MYH7: variants seen among roughly 807,000 people sequenced by gnomAD.
The protein encoded by MYH7 is myosin-7.
MYH7 carries 129 observed loss-of-function variants against 225.4 expected under a neutral mutation model. The ratio of observed to expected loss-of-function variants is 0.57; its 90% CI spans 0.50 to 0.66. The LOEUF is 0.66. Among genes scored for constraint, MYH7 ranks in the 30% least tolerant of loss-of-function variants. MYH7 has a pLI of 0.00. For missense variants in MYH7, 1,649 were observed against 2,517.0 expected (o/e 0.66, Z 7.38); for synonymous variants, 971 against 1,007.6 (o/e 0.96, Z 0.69).
chr14:23,426,687 T>C (rs758983528), intron 18 of MYH7, 90 bp downstream of exon 18: 4 of 1,222,550 alleles, frequency 3.3e-6, no homozygotes, highest in Admixed American at 3.5e-5. Flanking sequence ...TGGAAACCAC[T>C]GTGGTGGTAG....
rs777116428 is a variant in MYH7 at position 23,415,972 on chromosome 14, C to T, written c.4953+32G>A. The stretch of plus-strand genomic sequence containing the variant: ...TCAAGACACTACTGCTTCGCCAGGC[C>T]ACGTGGAGGCCAGTCCCCTCTGGGT... On this transcript the variant is annotated intron_variant, in intron 34 of 39. Transcript: ENST00000355349. This position sits in a 1 kb window ranked among gnomAD's most constrained non-coding sequence, Gnocchi z 6.3. 17 of 1,614,098 alleles carry T rather than the reference C, an allele frequency of 1.1e-5. No homozygotes were observed. The Admixed American group carries it at 1.5e-4, about 14-fold the overall frequency.
chr14:23,415,762 T>C lies in MYH7; in HGVS notation c.5024A>G (p.Glu1675Gly). The C allele has an allele frequency of 1.2e-6, 2 of 1,614,184 alleles. No individual in the cohort carries two copies. The highest frequency in any genetic ancestry group is 1.7e-6 in the Non-Finnish European group (2 of 1,180,036). Reference protein sequence around the residue: ...DDLKENIAIVERRNNLLQAEL... With the variant: ...DDLKENIAIVGRRNNLLQAEL... ...AGCCTGCAGCAGGTTGTTGCGCCGC[T>C]CCACGATGGCGATGTTCTCCTTCAG... The change falls in exon 35 of 40, where the codon GAG (glutamate) becomes GGG (glycine). Residue 1675 changes from glutamate (E) to glycine (G), a missense_variant. This residue lies in a region of MYH7 where 687 missense variants were observed against 913.8 expected (regional missense o/e 0.75). Transcript: ENST00000355349. The surrounding 1 kb of genome is among the most constrained non-coding windows in gnomAD (Gnocchi z 6.3).
At chr14:23,430,058 A>C in intron 11 of MYH7, 145 bp from the exon 12 acceptor site, 1 of 967,596 alleles carries the variant, frequency 1.0e-6, no homozygotes, top group South Asian at 1.4e-5. Flanking sequence ...TCCAAAACAA[A>C]GGATGTAAGA....
At chr14:23,435,499 C>T (rs1235482391) in intron 1 of MYH7, 121 bp downstream of exon 1, 3 of 152,260 alleles carry the variant, frequency 2.0e-5, no homozygotes, top group African/African-American at 7.2e-5. Flanking sequence ...CATGTGTGCC[C>T]AGTGACTGGA....
Position 23,419,177 on chromosome 14 carries a change from C to T in MYH7, c.3972G>A (p.Lys1324=), listed in dbSNP as rs749775509. The change falls in exon 29 of 40, where the codon AAG becomes AAA. Residue 1324 remains lysine (K), a splice_region_variant and synonymous_variant. Coordinates refer to ENST00000355349, the MANE Select transcript of MYH7 (RefSeq NM_000257.4). ...DLKRQLEEEV[K]AKNALAHALQ... ...CAGGTGGCCCGAGTCTAGCCCTTAC[C>T]TTAACCTCCTCCTCCAGCTGCCTCT... is the stretch of plus-strand genomic sequence containing the variant. 3 of 1,614,100 alleles carry T rather than the reference C, an allele frequency of 1.9e-6. No individual in the cohort carries two copies. The highest frequency in any genetic ancestry group is 2.5e-6 in the Non-Finnish European group (3 of 1,180,036).
intron 10 of MYH7, 59 bp downstream of exon 10, chr14:23,430,842 A>G: frequency 7.1e-7 from 1 of 1,411,248 alleles, no homozygotes; most frequent in South Asian, 1.1e-5. Flanking sequence ...TCCAGCCACA[A>G]GCAGAGGGGA....
rs1157911260 is a variant in MYH7 at position 23,425,480 on chromosome 14, G to T, written c.2287-62C>A. 6.8e-6 allele frequency: 11 copies of T among 1,612,158 alleles called. No homozygotes were observed. The highest frequency in any genetic ancestry group is 5.3e-5 in the African/African-American group (4 of 74,868). ...GGGTACGAGGGAAAGAGATGGTGGG[G>T]ATTACCTTAGGAAGGGTAACAGCCT... On this transcript the variant is annotated intron_variant, in intron 20 of 39. Transcript: ENST00000355349. This position sits in a 1 kb window ranked among gnomAD's most constrained non-coding sequence, Gnocchi z 4.6.
chr14:23,432,291 G>A (rs1414083143), intron 6 of MYH7, among the ~76,000 whole-genome samples, 188 bp downstream of exon 6: 8 of 152,178 alleles, frequency 5.3e-5, no homozygotes, highest in South Asian at 2.1e-4. Context: ...ACATGAAGGG[G>A]ATGGAAAGCA....
At chr14:23,426,233 T>G in intron 18 of MYH7, 152 bp from the exon 19 acceptor site, 1 of 911,844 alleles carries the variant, frequency 1.1e-6, no homozygotes, top group Non-Finnish European at 1.7e-6. Flanking sequence ...CATTTTTAAC[T>G]AAAAGGCTTT....
chr14:23,417,442 C>T, intron 31 of MYH7, 61 bp downstream of exon 31: 1 of 1,612,044 alleles, frequency 6.2e-7, no homozygotes, highest in Non-Finnish European at 8.5e-7. Context: ...TCTGGCCTCT[C>T]ACTGAACCCC....
chr14:23,424,654 C>T (rs1892619062), intron 22 of MYH7, 115 bp downstream of exon 22: 18 of 1,559,980 alleles, frequency 1.2e-5, no homozygotes, highest in Non-Finnish European at 1.5e-5. Flanking sequence ...GTGTTGATCC[C>T]AGAGTCCTCT....
At chr14:23,417,856 G>A in intron 30 of MYH7, 170 bp from the exon 31 acceptor site, 1 of 1,035,426 alleles carries the variant, frequency 9.7e-7, no homozygotes, top group Admixed American at 1.8e-5. Flanking sequence ...GATCCCAGCA[G>A]GGCGTGGAGA....
chr14:23,416,264 A>G lies in MYH7; in HGVS notation c.4693T>C (p.Phe1565Leu). ...TCGATCTCTGCCTTGATCTGGTTGAACTCCAGCTGGGCCCGGAGGATCTTG... is the reference window on the plus strand; with the variant it reads ...TCGATCTCTGCCTTGATCTGGTTGAGCTCCAGCTGGGCCCGGAGGATCTTG... ...EGKILRAQLE[F>L]NQIKAEIERK... is the part of the protein sequence containing the mutation. The change falls in exon 34 of 40, where the codon TTC becomes CTC. Residue 1565 changes from phenylalanine (F) to leucine (L), a missense_variant. Phe to Leu is a conservative substitution (Grantham distance 22). Coordinates refer to ENST00000355349, the MANE Select transcript of MYH7 (RefSeq NM_000257.4). 1 of 1,600,594 alleles carries G rather than the reference A, an allele frequency of 6.2e-7. No homozygotes were observed. The highest frequency in any genetic ancestry group is 8.5e-7 in the Non-Finnish European group (1 of 1,174,212).
Position 23,419,552 on chromosome 14 carries a change from T to C in MYH7, c.3784A>G (p.Lys1262Glu). ...ACAGAACGCTGGGTCTCCTCCGCCT[T>C]GCTCCGGTGCTCATTCATCTGGTCT... ...LEDQMNEHRS[K>E]AEETQRSVND... The change falls in exon 28 of 40, where the codon AAG becomes GAG. Residue 1262 changes from lysine to glutamate, a missense_variant. By Grantham distance (56) the Lys-to-Glu change is moderately conservative. Coordinates refer to ENST00000355349, the MANE Select transcript of MYH7 (RefSeq NM_000257.4). 1 of 1,614,062 alleles carries C rather than the reference T, an allele frequency of 6.2e-7. No homozygotes were observed.
At position 23,433,528 on chromosome 14, in the gene MYH7, C is replaced by A. The variant is rs748711806; in HGVS notation, c.201+4G>T. ...GTGGACTCTCACATCAGCCTGACAC[C>A]CACCTTGCCATACTCGGTCTCGGCA... On this transcript the variant is annotated splice_donor_region_variant and intron_variant, in intron 3 of 39. Coordinates refer to ENST00000355349, the MANE Select transcript of MYH7 (RefSeq NM_000257.4). The surrounding 1 kb of genome is among the most constrained non-coding windows in gnomAD (Gnocchi z 4.1). 6.2e-7 allele frequency: 1 copy of A among 1,613,784 alleles called. No homozygotes were observed. The highest frequency in any genetic ancestry group is 1.7e-5 in the Admixed American group (1 of 60,036).
chr14:23,424,673 G>C (rs1306975652), intron 22 of MYH7, 96 bp downstream of exon 22: 2 of 1,594,194 alleles, frequency 1.3e-6, no homozygotes, highest in African/African-American at 2.7e-5. Flanking sequence ...CTGACTGAAG[G>C]AACAAGACAG....
chr14:23,431,359 C>T lies in MYH7; in HGVS notation c.796+59G>A, dbSNP rs1239395741. 8 of 1,544,000 alleles carry T rather than the reference C, an allele frequency of 5.2e-6. No individual in the cohort carries two copies. In the East Asian group the frequency reaches 1.1e-4, roughly 22 times the overall value. ...GAGGGGAGAGAGAGAGAGGTCAAGA[C>T]CAGATGGTCTAGAGCAAGGGTGAGC... On this transcript the variant is annotated intron_variant, in intron 9 of 39. Coordinates refer to ENST00000355349, the MANE Select transcript of MYH7 (RefSeq NM_000257.4).
Position 23,433,875 on chromosome 14 carries a change from C to A in MYH7, c.-8-135G>T. On this transcript the variant is annotated intron_variant, in intron 2 of 39. Transcript: ENST00000355349. The surrounding 1 kb of genome is among the most constrained non-coding windows in gnomAD (Gnocchi z 4.1). Reference sequence around the variant, plus strand: ...AAGAGGAGTTACCAGTGAGTCCCTTCCTCTTTGAGGTTACCCCTTAACCAG... The same window carrying A: ...AAGAGGAGTTACCAGTGAGTCCCTTACTCTTTGAGGTTACCCCTTAACCAG... 1 of 877,810 alleles carries A rather than the reference C, an allele frequency of 1.1e-6. No individual in the cohort carries two copies. Among genetic ancestry groups the A allele is most frequent in the Non-Finnish European group, 1.8e-6 (1 of 556,850 alleles). 54.4% of individuals were successfully genotyped at this position (877,810 alleles called of 1,614,324 possible).
At chr14:23,414,189 T>A in intron 37 of MYH7, 87 bp from the exon 38 acceptor site, 1 of 1,157,830 alleles carries the variant, frequency 8.6e-7, no homozygotes, top group Non-Finnish European at 1.3e-6. Flanking sequence ...TCATCTGATA[T>A]CCTGACCCAA....
Sources: allele counts gnomAD v4.1 joint callset (sites outside exome capture counted in the v4.1 genomes callset), GRCh38; gene constraint gnomAD v4.1.1; regional missense constraint gnomAD v4.1.1; non-coding constraint Gnocchi (gnomAD v3.1); transcripts MANE v1.5; gene names NCBI Gene and HGNC (gene_info 2026-07-23, HGNC 2026-07-21).